The following CFDP1 variants were observed in gnomAD, a reference collection of about 807,000 sequenced individuals.
CFDP1 encodes the protein heterochromatin-stabilizing protein CFDP1.
A neutral mutation model predicts 40.1 loss-of-function variants in CFDP1; 31 were observed. The observed-to-expected ratio is 0.77, with a 90% CI of 0.58 to 1.04. CFDP1 has a LOEUF of 1.04. CFDP1 is among the 50% of genes least tolerant of loss of function. The pLI, the probability that CFDP1 is intolerant of heterozygous loss-of-function variation, is 0.00. For missense variants in CFDP1, 423 were observed against 343.4 expected, an observed-to-expected ratio of 1.23 and a Z score of -1.83; for synonymous variants, 167 against 120.0, an observed-to-expected ratio of 1.39 and a Z score of -2.56.
intron 5 of CFDP1, chr16:75,394,657 G>GTTTTTTTTTTTTTTTTTTTTTT (rs1567670026): frequency 1.7e-5 from 1 of 58,568 alleles, no homozygotes; most frequent in African/African-American, 4.7e-5. Context: ...AATTTTCTTC[G>GTTTTTTTTTTTTTTTTTTTTTT]CTTTTTTTTT....
rs191269887 is a variant in CFDP1 at position 75,421,143 on chromosome 16, G to C, written c.65-6448C>G. ...CACAGAGGTTCCTGCTGTTTGCAGC[G>C]GGGAGGAGCCCGGCCCCTCTTCTTC... On this transcript the variant is annotated intron_variant, in intron 1 of 6. Coordinates refer to ENST00000283882, the MANE Select transcript of CFDP1 (RefSeq NM_006324.3). 2.9e-4 allele frequency among the ~76,000 whole-genome samples: 44 copies of C among 152,284 alleles called. No homozygotes were observed. In the South Asian group the frequency reaches 8.9e-3, roughly 31 times the overall value.
At chr16:75,299,993 G>A (rs2078211065) in intron 6 of CFDP1, among the ~76,000 whole-genome samples, 1 of 152,130 alleles carries the variant, frequency 6.6e-6, no homozygotes, top group Non-Finnish European at 1.5e-5. Context: ...ACAGAGGTAG[G>A]CAGGGGACAG....
intron 5 of CFDP1, among the ~76,000 whole-genome samples, chr16:75,324,126 G>C (rs908963138): frequency 3.9e-5 from 6 of 151,944 alleles, no homozygotes; most frequent in Admixed American, 3.9e-4. Flanking sequence ...TTATTCACAA[G>C]ATAAAGATAC....
intron 1 of CFDP1, among the ~76,000 whole-genome samples, chr16:75,414,997 C>G (rs778186043): frequency 6.6e-6 from 1 of 152,086 alleles, no homozygotes; most frequent in Non-Finnish European, 1.5e-5. Context: ...GGACATAAAC[C>G]CTGTTCATTG....
intron 1 of CFDP1, among the ~76,000 whole-genome samples, chr16:75,418,834 A>C (rs2079241682): frequency 6.6e-6 from 1 of 152,090 alleles, no homozygotes; most frequent in Non-Finnish European, 1.5e-5. Flanking sequence ...GCTATTTAAA[A>C]ATAACAGATC....
At chr16:75,391,906 T>C (rs1393164155) in intron 5 of CFDP1, among the ~76,000 whole-genome samples, 1 of 151,846 alleles carries the variant, frequency 6.6e-6, no homozygotes, top group Non-Finnish European at 1.5e-5. Context: ...AGGTGGAGCT[T>C]GCAGTGAGCC....
intron 1 of CFDP1, among the ~76,000 whole-genome samples, chr16:75,423,158 G>A (rs1487415290): frequency 6.6e-6 from 1 of 151,664 alleles, no homozygotes; most frequent in Non-Finnish European, 1.5e-5. Flanking sequence ...GTGGGTGCCT[G>A]TAGTCCCAGC....
chr16:75,426,965 G>C (rs955541263), intron 1 of CFDP1, among the ~76,000 whole-genome samples: 1 of 151,094 alleles, frequency 6.6e-6, no homozygotes, highest in African/African-American at 2.4e-5. Flanking sequence ...TGAGGCAGGA[G>C]AATCGCTTGA....
chr16:75,429,474 T>C (rs553759784), intron 1 of CFDP1, among the ~76,000 whole-genome samples: 162 of 152,226 alleles, frequency 1.1e-3, no homozygotes, highest in Non-Finnish European at 2.0e-3. Flanking sequence ...GCCAACATGG[T>C]GAAACCCCGT....
intron 5 of CFDP1, among the ~76,000 whole-genome samples, chr16:75,362,414 C>G (rs1004696084): frequency 6.6e-6 from 1 of 152,228 alleles, no homozygotes; most frequent in African/African-American, 2.4e-5. Context: ...GTCTTCCAGG[C>G]AAGGCATCCC....
chr16:75,366,288 GA>G (rs10715382), intron 5 of CFDP1, among the ~76,000 whole-genome samples: 75,976 of 152,018 alleles, frequency 0.5, 20,353 homozygotes, highest in Admixed American at 0.63. Context: ...TAACAAATGG[GA>G]AATTGGTGAG....
At chr16:75,414,532 T>G in intron 2 of CFDP1, 46 bp downstream of exon 2, 1 of 1,135,258 alleles carries the variant, frequency 8.8e-7, no homozygotes, top group Non-Finnish European at 1.3e-6. Context: ...TCAGGATGGT[T>G]GTGACAATAG....
chr16:75,312,716 T>C (rs2078301635), intron 5 of CFDP1, among the ~76,000 whole-genome samples: 1 of 152,214 alleles, frequency 6.6e-6, no homozygotes, highest in South Asian at 2.1e-4. Flanking sequence ...TGTTTTGCCC[T>C]GTTCTGGCCT....
chr16:75,370,372 C>T (rs1246084327), intron 5 of CFDP1, among the ~76,000 whole-genome samples: 11 of 151,994 alleles, frequency 7.2e-5, no homozygotes, highest in African/African-American at 2.4e-4. Context: ...GGATTACCAA[C>T]GTGAGCCACC....
chr16:75,388,571 G>C (rs1284897297), intron 5 of CFDP1, among the ~76,000 whole-genome samples: 1 of 152,190 alleles, frequency 6.6e-6, no homozygotes, highest in Non-Finnish European at 1.5e-5. Flanking sequence ...GATGAAGAGG[G>C]AAGGTAGTGG....
chr16:75,302,747 G>T (rs1368268889), intron 6 of CFDP1, among the ~76,000 whole-genome samples: 1 of 152,192 alleles, frequency 6.6e-6, no homozygotes. Flanking sequence ...GGTTTGGGGC[G>T]CATGTCAGAG....
chr16:75,385,634 T>C (rs578167750), intron 5 of CFDP1, among the ~76,000 whole-genome samples: 1 of 152,330 alleles, frequency 6.6e-6, no homozygotes, highest in East Asian at 1.9e-4. Context: ...AAGAAAAATG[T>C]ACAAGACTCT....
intron 6 of CFDP1, among the ~76,000 whole-genome samples, chr16:75,296,202 A>T (rs1277921162): frequency 6.6e-6 from 1 of 152,130 alleles, no homozygotes; most frequent in Non-Finnish European, 1.5e-5. Context: ...AGGTGGAGGG[A>T]AGGAGTAAGT....
chr16:75,348,764 T>A (rs1597346797), intron 5 of CFDP1, among the ~76,000 whole-genome samples: 1 of 152,250 alleles, frequency 6.6e-6, no homozygotes, highest in Non-Finnish European at 1.5e-5. Flanking sequence ...CTCATTAATT[T>A]CTTTGAACAG....
Sources: gnomAD v4.1 joint callset for allele counts (sites outside exome capture counted in the v4.1 genomes callset) on GRCh38, gnomAD v4.1.1 for gene constraint, MANE v1.5 for transcripts, NCBI Gene and HGNC (gene_info 2026-07-23, HGNC 2026-07-21) for gene names.